The following RNF141 variants were observed in gnomAD, a reference collection of about 807,000 sequenced individuals.
RNF141 encodes C3HC4-like zinc finger protein.
In RNF141, 18 loss-of-function variants were observed where a neutral mutation model predicts 27.4. The ratio of observed to expected loss-of-function variants is 0.66; its 90% CI spans 0.45 to 0.97. RNF141 has a LOEUF of 0.97. Ranked by LOEUF, RNF141 falls within the 50% of genes least tolerant of loss-of-function variation. The pLI, the probability that RNF141 is intolerant of heterozygous loss-of-function variation, is 0.00. For missense variants in RNF141, 230 were observed against 279.4 expected (o/e 0.82, Z 1.26); for synonymous variants, 97 against 96.6 (o/e 1.00, Z -0.02).
At chr11:10,540,380 C>T (rs1274791318) in intron 1 of RNF141, among the ~76,000 whole-genome samples, 3 of 152,160 alleles carry the variant, frequency 2.0e-5, no homozygotes, top group Non-Finnish European at 2.9e-5. Flanking sequence ...GGATCGATTT[C>T]AATAACAATC....
At position 10,514,895 on chromosome 11, in the gene RNF141, C is replaced by G; in HGVS notation, c.*21G>C. 6.3e-7 allele frequency: 1 copy of G among 1,595,004 alleles called. No homozygotes were observed. Among genetic ancestry groups the G allele is most frequent in the Non-Finnish European group, 8.5e-7 (1 of 1,170,486 alleles). On this transcript the variant is annotated 3_prime_UTR_variant, in exon 6 of 6. Coordinates refer to ENST00000265981, the MANE Select transcript of RNF141 (RefSeq NM_016422.4). ...CAAATATTTGAGCCCACAATAGCAACAGAAGACTTTCACTTCAAGGTCATG... is the reference window on the plus strand; with the variant it reads ...CAAATATTTGAGCCCACAATAGCAAGAGAAGACTTTCACTTCAAGGTCATG...
Position 10,537,859 on chromosome 11 carries a change from T to C in RNF141, c.-48+3263A>G, listed in dbSNP as rs552949031. On this transcript the variant is annotated intron_variant, in intron 1 of 5. Coordinates refer to ENST00000265981, the MANE Select transcript of RNF141 (RefSeq NM_016422.4). ...CTCAGCTTTGATTGCCCACTTCTAG[T>C]AATGATAATGTCTTCCTCCTGGCAT... 2.6e-5 allele frequency among the ~76,000 whole-genome samples: 4 copies of C among 152,384 alleles called. No individual in the cohort carries two copies. In the East Asian group the frequency reaches 7.7e-4, roughly 29 times the overall value.
At position 10,518,091 on chromosome 11, in the gene RNF141, C is replaced by T. The variant is rs180961468; in HGVS notation, c.542+943G>A. Among the ~76,000 whole-genome samples, 374 of 152,204 alleles carry T rather than the reference C, an allele frequency of 2.5e-3. 1 individual carries two copies. Among genetic ancestry groups the T allele is most frequent in the African/African-American group, 8.6e-3 (356 of 41,530 alleles). On this transcript the variant is annotated intron_variant, in intron 5 of 5. Coordinates refer to ENST00000265981, the MANE Select transcript of RNF141 (RefSeq NM_016422.4). ...TAGGAAGATGCACTAGTAAGAAATT[C>T]ACTCTCCCTAAATTGATATATTTAT...
At chr11:10,530,915 T>C (rs1039559633) in intron 2 of RNF141, among the ~76,000 whole-genome samples, 164 bp from the exon 3 acceptor site, 2 of 152,182 alleles carry the variant, frequency 1.3e-5, no homozygotes, top group African/African-American at 2.4e-5. Flanking sequence ...AAAACAGGGA[T>C]AGAGAATATT....
At chr11:10,540,668 G>A (rs1564870659) in intron 1 of RNF141, 1 of 152,236 alleles carries the variant, frequency 6.6e-6, no homozygotes, top group Non-Finnish European at 1.5e-5. Context: ...TTCTTATTTG[G>A]GTGTCCAGCC....
At chr11:10,535,524 C>T (rs1383695671) in intron 1 of RNF141, among the ~76,000 whole-genome samples, 2 of 149,002 alleles carry the variant, frequency 1.3e-5, no homozygotes, top group East Asian at 2.0e-4. Flanking sequence ...AGTGGATTTA[C>T]AGCAACTGTA....
intron 1 of RNF141, among the ~76,000 whole-genome samples, chr11:10,538,785 T>C (rs1850059335): frequency 6.6e-6 from 1 of 152,204 alleles, no homozygotes; most frequent in Admixed American, 6.5e-5. Context: ...TGAAAGAAAA[T>C]GTAAAACTGT....
At chr11:10,527,369 C>T (rs1849944791) in intron 3 of RNF141, among the ~76,000 whole-genome samples, 1 of 151,948 alleles carries the variant, frequency 6.6e-6, no homozygotes, top group Non-Finnish European at 1.5e-5. Flanking sequence ...GAGAAGTTGA[C>T]ATTTAAGAAC....
At chr11:10,534,250 C>T (rs578035753) in intron 1 of RNF141, 45 bp from the exon 2 acceptor site, 97 of 1,333,306 alleles carry the variant, frequency 7.3e-5, no homozygotes, top group African/African-American at 8.8e-5. Context: ...TATACAAAAA[C>T]GGCAATATAC....
At chr11:10,528,934 G>T (rs1591499521) in intron 3 of RNF141, among the ~76,000 whole-genome samples, 3 of 152,198 alleles carry the variant, frequency 2.0e-5, no homozygotes, top group African/African-American at 7.2e-5. Flanking sequence ...TAAATAATGT[G>T]CTGTTGGAAT....
chr11:10,533,827 C>T (rs1429012667), intron 2 of RNF141, among the ~76,000 whole-genome samples, 189 bp downstream of exon 2: 2 of 152,084 alleles, frequency 1.3e-5, no homozygotes, highest in African/African-American at 2.4e-5. Flanking sequence ...CTTCTGTCCC[C>T]ATTACATACT....
rs1311006357 is a variant in RNF141 at position 10,525,107 on chromosome 11, A to G, written c.434+85T>C. ...AAAAAAAAAAGATTTAAGATGCTAC[A>G]ATGAGCAACAGCAAAAATATTAATA... On this transcript the variant is annotated intron_variant, in intron 4 of 5. Coordinates refer to ENST00000265981, the MANE Select transcript of RNF141 (RefSeq NM_016422.4). The G allele has an allele frequency of 2.2e-5, 23 of 1,059,424 alleles. 1 individual carries two copies. Among genetic ancestry groups the G allele is most frequent in the Non-Finnish European group, 2.8e-5 (21 of 753,578 alleles). 65.6% of individuals were successfully genotyped at this position (1,059,424 alleles called of 1,614,324 possible).
At chr11:10,521,893 A>G (rs1849890541) in intron 4 of RNF141, among the ~76,000 whole-genome samples, 1 of 152,212 alleles carries the variant, frequency 6.6e-6, no homozygotes, top group African/African-American at 2.4e-5. Context: ...TTAAATGTCA[A>G]AATATTAAGT....
chr11:10,532,537 A>ACCCC (rs202174143), intron 2 of RNF141, among the ~76,000 whole-genome samples: 11 of 95,076 alleles, frequency 1.2e-4, no homozygotes, highest in East Asian at 5.2e-4. Context: ...ACACACACAC[A>ACCCC]CCCCACAACT....
chr11:10,535,063 C>T (rs917793216), intron 1 of RNF141, among the ~76,000 whole-genome samples: 1 of 146,720 alleles, frequency 6.8e-6, no homozygotes, highest in Non-Finnish European at 1.5e-5. Context: ...CAGATGCCCC[C>T]CCAAGAAATT....
At chr11:10,517,921 A>C (rs1357235866) in intron 5 of RNF141, among the ~76,000 whole-genome samples, 1 of 152,190 alleles carries the variant, frequency 6.6e-6, no homozygotes, top group African/African-American at 2.4e-5. Context: ...CATAAATTGA[A>C]ATTTTAAATA....
At chr11:10,534,303 G>A (rs1400413444) in intron 1 of RNF141, 98 bp from the exon 2 acceptor site, 1 of 809,882 alleles carries the variant, frequency 1.2e-6, no homozygotes, top group Non-Finnish European at 2.0e-6. Context: ...ATACCTTTAA[G>A]TGAGAGTTGA....
In RNF141 at chr11:10,513,499, A is replaced by G. The variant is rs569298728; in HGVS notation, c.*1417T>C. ...TTAATGTTAGAAATTTTAGTTCATA[A>G]GCAAAAAAAATGGTTGAGGTGCAAC... On this transcript the variant is annotated 3_prime_UTR_variant, in exon 6 of 6. Transcript: ENST00000265981. The G allele has an allele frequency of 9.8e-5, 15 of 152,326 alleles. No homozygotes were observed. Among genetic ancestry groups the G allele is most frequent in the African/African-American group, 2.6e-4 (11 of 41,578 alleles). 9.4% of individuals were successfully genotyped at this position (152,326 alleles called of 1,614,324 possible).
chr11:10,525,070 A>G, intron 4 of RNF141, 122 bp downstream of exon 4: 1 of 623,530 alleles, frequency 1.6e-6, no homozygotes, highest in South Asian at 3.1e-5. Context: ...CTCAGATACA[A>G]TACCAACTGA....
Sources: gnomAD v4.1 joint callset for allele counts (sites outside exome capture counted in the v4.1 genomes callset) on GRCh38, gnomAD v4.1.1 for gene constraint, MANE v1.5 for transcripts, NCBI Gene and HGNC (gene_info 2026-07-23, HGNC 2026-07-21) for gene names.